Variants in CFAP206 observed in about 807,000 individuals in gnomAD.
CFAP206 encodes the protein cilia- and flagella-associated protein 206.
CFAP206 carries 53 observed loss-of-function variants against 65.4 expected under a neutral mutation model. That is an observed-to-expected ratio of 0.81 (90% CI 0.65 to 1.02). CFAP206 has a LOEUF of 1.02. Ranked by LOEUF, CFAP206 falls within the 50% of genes least tolerant of loss-of-function variation. The probability of loss-of-function intolerance (pLI) is 0.00; values close to 1 mark genes in which losing one functional copy is unlikely to be tolerated. For missense variants in CFAP206, 663 were observed against 753.2 expected, an observed-to-expected ratio of 0.88 and a Z score of 1.40; for synonymous variants, 250 against 254.4, an observed-to-expected ratio of 0.98 and a Z score of 0.17.
chr6:87,438,306 C>A (rs1188928659), intron 11 of CFAP206, among the ~76,000 whole-genome samples: 2 of 151,746 alleles, frequency 1.3e-5, no homozygotes, highest in African/African-American at 4.8e-5. Context: ...ACTAAAAATA[C>A]AAAAATTAGC....
Position 87,426,307 on chromosome 6 carries a change from C to T in CFAP206, c.841-219C>T, listed in dbSNP as rs185584896. 3.3e-5 allele frequency among the ~76,000 whole-genome samples: 5 copies of T among 152,082 alleles called. No homozygotes were observed. In the East Asian group the frequency reaches 7.7e-4, roughly 23 times the overall value. On this transcript the variant is annotated intron_variant, in intron 7 of 12. Coordinates refer to ENST00000369562, the MANE Select transcript of CFAP206 (RefSeq NM_001031743.3). ...TGTATACATTTAAGAAAAATTATACCTATTGTATTTCAAAAGATTCATCCA... is the reference window on the plus strand; with the variant it reads ...TGTATACATTTAAGAAAAATTATACTTATTGTATTTCAAAAGATTCATCCA...
chr6:87,427,286 C>T (rs1442782842), intron 8 of CFAP206, among the ~76,000 whole-genome samples: 2 of 152,112 alleles, frequency 1.3e-5, no homozygotes, highest in African/African-American at 2.4e-5. Flanking sequence ...TACAGGCGCC[C>T]GCCACCATGC....
intron 7 of CFAP206, among the ~76,000 whole-genome samples, chr6:87,423,449 C>T (rs1413160461): frequency 1.3e-5 from 2 of 149,894 alleles, no homozygotes; most frequent in Non-Finnish European, 3.0e-5. Context: ...GGGGTTTCAC[C>T]GTGTTAGCTA....
At position 87,413,890 on chromosome 6, in the gene CFAP206, T is replaced by C. The variant is rs1393887528; in HGVS notation, c.273T>C (p.Tyr91=). The stretch of plus-strand genomic sequence containing the variant: ...TGCAAGTCTACTTCGATATGAATTA[T>C]ACGAATCGAGGTAATGTATACTACC... ...IKMQVYFDMN[Y]TNRVEFLEEH... The change falls in exon 4 of 13, where the codon TAT becomes TAC. Residue 91 remains tyrosine (Y), a synonymous_variant. Coordinates refer to ENST00000369562, the MANE Select transcript of CFAP206 (RefSeq NM_001031743.3). 2.6e-6 allele frequency: 4 copies of C among 1,534,280 alleles called. No homozygotes were observed. Among genetic ancestry groups the C allele is most frequent in the Non-Finnish European group, 3.5e-6 (4 of 1,147,670 alleles).
intron 9 of CFAP206, among the ~76,000 whole-genome samples, chr6:87,430,614 A>G (rs942374203): frequency 6.6e-6 from 1 of 152,192 alleles, no homozygotes; most frequent in Admixed American, 6.5e-5. Flanking sequence ...TGAGGTCAAT[A>G]TATCTCTTTC....
chr6:87,410,727 T>TA, intron 3 of CFAP206, 59 bp downstream of exon 3: 41 of 1,266,254 alleles, frequency 3.2e-5, no homozygotes, highest in Non-Finnish European at 4.4e-5. Flanking sequence ...AAATACAATA[T>TA]TTGTATTAGT....
rs1333669635 is a variant in CFAP206 at position 87,464,038 on chromosome 6, G to A, written c.1657G>A (p.Val553Ile). ...TCTTTAGGCTAATTTGCGCCAGAAA[G>A]TTACTCACTCAGTACAAACTGATCT... Reference protein sequence around the residue: ...AIKLANLRQKVTHSVQTDLSH... With the variant: ...AIKLANLRQKITHSVQTDLSH... The change falls in exon 13 of 13, where the codon GTT becomes ATT. Residue 553 changes from valine to isoleucine, a missense_variant. Physicochemically the swap from Val to Ile is conservative, Grantham distance 29 (BLOSUM62 3). Coordinates refer to ENST00000369562, the MANE Select transcript of CFAP206 (RefSeq NM_001031743.3). 4 of 1,610,844 alleles carry A rather than the reference G, an allele frequency of 2.5e-6. No homozygotes were observed. In the South Asian group the frequency reaches 4.4e-5, roughly 18 times the overall value.
In CFAP206 at chr6:87,416,845, T is replaced by G. The variant is rs766117673; in HGVS notation, c.631+18T>G. The G allele has an allele frequency of 5.0e-6, 8 of 1,606,110 alleles. No individual in the cohort carries two copies. The South Asian group carries it at 7.7e-5, about 16-fold the overall frequency. On this transcript the variant is annotated intron_variant, in intron 6 of 12. Transcript: ENST00000369562. Reference sequence around the variant, plus strand: ...TGATGATTGTAGGTATATCATTAGATTAATTCTAAAGGTTATGTATGTTTA... The same window carrying G: ...TGATGATTGTAGGTATATCATTAGAGTAATTCTAAAGGTTATGTATGTTTA...
chr6:87,414,498 A>G (rs1157867550), intron 4 of CFAP206, among the ~76,000 whole-genome samples: 3 of 152,158 alleles, frequency 2.0e-5, no homozygotes, highest in African/African-American at 7.2e-5. Context: ...GGATTTCACC[A>G]TGTTGCCCAG....
intron 12 of CFAP206, among the ~76,000 whole-genome samples, chr6:87,462,699 T>TC (rs1768767437): frequency 6.6e-6 from 1 of 152,028 alleles, no homozygotes; most frequent in South Asian, 2.1e-4. Context: ...ACAGCATAGG[T>TC]ATGGACTGGA....
intron 11 of CFAP206, chr6:87,436,710 C>G (rs1250459471): frequency 6.6e-6 from 1 of 152,228 alleles, no homozygotes; most frequent in African/African-American, 2.4e-5. Context: ...CTCCAGCTCC[C>G]CTTTCCAATG....
At chr6:87,450,476 TGTGTGTG>T (rs1005027824) in intron 11 of CFAP206, among the ~76,000 whole-genome samples, 1 of 21,174 alleles carries the variant, frequency 4.7e-5, no homozygotes, top group African/African-American at 2.8e-4. Flanking sequence ...TAAATGAAAA[TGTGTGTG>T]TGTGTGTGTG....
chr6:87,415,657 T>C lies in CFAP206; in HGVS notation c.284-29T>C, dbSNP rs1252195367. 16 of 1,586,144 alleles carry C rather than the reference T, an allele frequency of 1.0e-5. No individual in the cohort carries two copies. In the South Asian group the frequency reaches 1.7e-4, roughly 17 times the overall value. On this transcript the variant is annotated intron_variant, in intron 4 of 12. Transcript: ENST00000369562. ...TAAGAAGAATTCTAAAAATTAAATA[T>C]ATAGAACATTGTTATTTGGCAATTT...
intron 10 of CFAP206, among the ~76,000 whole-genome samples, chr6:87,433,641 A>G (rs935002853): frequency 1.3e-5 from 2 of 152,246 alleles, no homozygotes; most frequent in East Asian, 1.9e-4. Context: ...TACAATTATT[A>G]TATCTGGATA....
At chr6:87,459,188 A>T (rs1374996836) in intron 11 of CFAP206, among the ~76,000 whole-genome samples, 4 of 152,166 alleles carry the variant, frequency 2.6e-5, no homozygotes, top group Admixed American at 6.5e-5. Context: ...AAAATTTACA[A>T]TAGAAAATTT....
intron 12 of CFAP206, among the ~76,000 whole-genome samples, chr6:87,461,426 C>T (rs1457772719): frequency 6.6e-6 from 1 of 152,050 alleles, no homozygotes. Context: ...GTATTTAAAG[C>T]ACTCCCAACT....
Position 87,464,032 on chromosome 6 carries a change from C to T in CFAP206, c.1651C>T (p.Gln551Ter). The T allele has an allele frequency of 1.2e-6, 2 of 1,608,938 alleles. No individual in the cohort carries two copies. The highest frequency in any genetic ancestry group is 8.5e-7 in the Non-Finnish European group (1 of 1,176,546). Reference sequence around the variant, plus strand: ...TCTTTCTCTTTAGGCTAATTTGCGCCAGAAAGTTACTCACTCAGTACAAAC... The same window carrying T: ...TCTTTCTCTTTAGGCTAATTTGCGCTAGAAAGTTACTCACTCAGTACAAAC... ...RKAIKLANLR[Q>*]KVTHSVQTDL... The change falls in exon 13 of 13, where the codon CAG becomes TAG. Residue 551 changes from glutamine (Q) to a stop codon, truncating the protein, a stop_gained. Transcript: ENST00000369562. LOFTEE classifies it high-confidence loss of function.
chr6:87,446,846 G>A (rs935479896), intron 11 of CFAP206, among the ~76,000 whole-genome samples: 4 of 152,036 alleles, frequency 2.6e-5, no homozygotes, highest in Non-Finnish European at 4.4e-5. Flanking sequence ...TTTTCCATTC[G>A]TTTGTGTCTT....
intron 11 of CFAP206, among the ~76,000 whole-genome samples, chr6:87,446,974 A>G (rs984040676): frequency 3.3e-5 from 5 of 152,002 alleles, no homozygotes; most frequent in African/African-American, 9.7e-5. Flanking sequence ...GGAAGTTCAT[A>G]TCATGGTTTG....
Sources: allele counts gnomAD v4.1 joint callset (sites outside exome capture counted in the v4.1 genomes callset), GRCh38; gene constraint gnomAD v4.1.1; transcripts MANE v1.5; gene names NCBI Gene and HGNC (gene_info 2026-07-23, HGNC 2026-07-21).